Variants in SBF2 observed in about 807,000 individuals in gnomAD.
SBF2 encodes SET binding factor 2.
Under a neutral mutation model 225.2 loss-of-function variants are expected in SBF2, and 112 were observed. The observed-to-expected ratio is 0.50, with a 90% CI of 0.43 to 0.58. SBF2 has a LOEUF of 0.58. Among genes scored for constraint, SBF2 ranks in the 20% least tolerant of loss-of-function variants. SBF2 has a pLI of 0.00. For synonymous variants in SBF2, 763 were observed against 773.3 expected (o/e 0.99, Z 0.22); for missense variants, 1,996 against 2,206.2 (o/e 0.90, Z 1.91).
At chr11:10,139,463 A>G (rs1222374433) in intron 2 of SBF2, among the ~76,000 whole-genome samples, 1 of 152,216 alleles carries the variant, frequency 6.6e-6, no homozygotes, top group East Asian at 1.9e-4. Flanking sequence ...TTAGAAGTGT[A>G]GCACCAGAAC....
chr11:10,294,079 CG>C lies in SBF2; in HGVS notation c.-11del. 7.3e-7 allele frequency: 1 copy of C among 1,365,218 alleles called. No homozygotes were observed. Among genetic ancestry groups the C allele is most frequent in the Non-Finnish European group, 9.5e-7 (1 of 1,057,878 alleles). 84.6% of individuals were successfully genotyped at this position (1,365,218 alleles called of 1,614,324 possible). On this transcript the variant is annotated 5_prime_UTR_variant, in exon 1 of 40. Coordinates refer to ENST00000256190, the MANE Select transcript of SBF2 (RefSeq NM_030962.4). Reference sequence around the variant, plus strand: ...CAGCCAGCCGGGCCATGGCCGCCGCCGCCGCGCTCGGGAAGCGGGTCCCCGT... The same window carrying C: ...CAGCCAGCCGGGCCATGGCCGCCGCCCCGCGCTCGGGAAGCGGGTCCCCGT...
chr11:10,071,645 C>G (rs1035129977), intron 2 of SBF2, among the ~76,000 whole-genome samples: 4 of 152,128 alleles, frequency 2.6e-5, no homozygotes, highest in Admixed American at 1.3e-4. Flanking sequence ...TCATAAACAG[C>G]TCTTATTATT....
intron 13 of SBF2, among the ~76,000 whole-genome samples, chr11:9,988,387 A>G (rs544437220): frequency 3.3e-4 from 51 of 152,338 alleles, no homozygotes; most frequent in African/African-American, 1.2e-3. Flanking sequence ...AGCAAATGCA[A>G]TAAAAACAAA....
chr11:10,148,025 C>A (rs956357615), intron 2 of SBF2, among the ~76,000 whole-genome samples: 1 of 152,064 alleles, frequency 6.6e-6, no homozygotes, highest in Non-Finnish European at 1.5e-5. Flanking sequence ...TAGCATGGTA[C>A]CTAAAACACT....
At chr11:10,138,245 A>G (rs1954476127) in intron 2 of SBF2, among the ~76,000 whole-genome samples, 2 of 152,136 alleles carry the variant, frequency 1.3e-5, no homozygotes, top group Admixed American at 1.3e-4. Context: ...TGTCCATTTC[A>G]TCTAACTGAG....
chr11:9,935,823 C>CTTAA (rs1269682087), intron 16 of SBF2, among the ~76,000 whole-genome samples: 1 of 152,204 alleles, frequency 6.6e-6, no homozygotes, highest in Non-Finnish European at 1.5e-5. Flanking sequence ...GGATTAAAGA[C>CTTAA]TTAAATGTTA....
chr11:9,989,565 C>T lies in SBF2; in HGVS notation c.1327G>A (p.Val443Ile). ...LVAFEVERIKVEENNPVKMIK... is the reference protein window; with the variant it reads ...LVAFEVERIKIEENNPVKMIK... ...ATCTTCACTGGGTTATTTTCTTCAA[C>T]TTTAATTCTCTCTACTTCAAAGGCT... Residue 443 changes from valine to isoleucine, a missense_variant, in exon 13 of 40, where the codon GTT (valine) becomes ATT (isoleucine). Transcript: ENST00000256190. 6 of 1,609,396 alleles carry T rather than the reference C, an allele frequency of 3.7e-6. No individual in the cohort carries two copies. Among genetic ancestry groups the T allele is most frequent in the Middle Eastern group, 1.7e-4 (1 of 6,046 alleles).
chr11:9,913,302 G>C (rs1253822694), intron 16 of SBF2, among the ~76,000 whole-genome samples: 2 of 152,036 alleles, frequency 1.3e-5, no homozygotes, highest in Non-Finnish European at 2.9e-5. Context: ...GAGAAAACTA[G>C]AATGTCCAAG....
chr11:10,020,033 C>T (rs1267415595), intron 6 of SBF2, among the ~76,000 whole-genome samples: 5 of 152,134 alleles, frequency 3.3e-5, no homozygotes, highest in African/African-American at 1.2e-4. Context: ...CCTCCTTCCC[C>T]TGCCCAACCC....
intron 16 of SBF2, among the ~76,000 whole-genome samples, chr11:9,953,951 T>C (rs1170098611): frequency 2.0e-5 from 3 of 152,158 alleles, no homozygotes; most frequent in Non-Finnish European, 2.9e-5. Flanking sequence ...AGCTAGGATG[T>C]AGACACATAA....
At chr11:9,830,758 A>AC (rs1389468763) in intron 27 of SBF2, among the ~76,000 whole-genome samples, 2 of 150,598 alleles carry the variant, frequency 1.3e-5, no homozygotes, top group Admixed American at 6.6e-5. Flanking sequence ...AAAAAAAAAA[A>AC]CAAAAACAAA....
chr11:10,002,055 G>A (rs187658121), intron 7 of SBF2, among the ~76,000 whole-genome samples: 266 of 151,796 alleles, frequency 1.8e-3, no homozygotes, highest in East Asian at 2.3e-3. Flanking sequence ...AAATTACAAC[G>A]AAGCCCTGCA....
In SBF2 at chr11:10,089,758, C is replaced by T. The variant is rs554256730; in HGVS notation, c.142-46777G>A. The stretch of plus-strand genomic sequence containing the variant: ...CCACAAGCCTGGTCCACAAGCCAAA[C>T]CAACACAAAACTAACGGCATTTACT... On this transcript the variant is annotated intron_variant, in intron 2 of 39. Coordinates refer to ENST00000256190, the MANE Select transcript of SBF2 (RefSeq NM_030962.4). Among the ~76,000 whole-genome samples the T allele has an allele frequency of 3.9e-5, 6 of 152,196 alleles. 1 individual carries two copies. In the South Asian group the frequency reaches 1.2e-3, roughly 32 times the overall value.
In SBF2 at chr11:9,832,426, G is replaced by A; in HGVS notation, c.3456-6C>T. 6.2e-7 allele frequency: 1 copy of A among 1,607,714 alleles called. No homozygotes were observed. The highest frequency in any genetic ancestry group is 8.5e-7 in the Non-Finnish European group (1 of 1,174,312). On this transcript the variant is annotated splice_region_variant and splice_polypyrimidine_tract_variant and intron_variant, in intron 26 of 39. Coordinates refer to ENST00000256190, the MANE Select transcript of SBF2 (RefSeq NM_030962.4). ...CGACTAAAAGGCCAGGATAGCTTCA[G>A]AGACATAGAATAGAGAAGAGAATGA... is the stretch of plus-strand genomic sequence containing the variant.
chr11:9,921,064 C>CTTTTT lies in SBF2; in HGVS notation c.1861-25058_1861-25054dup, dbSNP rs34959264. Among the ~76,000 whole-genome samples the CTTTTT allele has an allele frequency of 1.4e-3, 119 of 85,826 alleles. 1 individual carries two copies. The highest frequency in any genetic ancestry group is 2.9e-3 in the Admixed American group (20 of 6,788). The allele number at this position is 85,826 out of a possible 152,430, so 56.3% of individuals were successfully genotyped here. A position where few individuals can be genotyped will look rare whatever the true frequency, so the allele number is the denominator to read the frequency against. On this transcript the variant is annotated intron_variant, in intron 16 of 39. Transcript: ENST00000256190. ...ATGCATCAGTATGACCTGAAAACTTCTTTTTTTTTTTTTTTTTTTTTTGGA... is the reference window on the plus strand; with the variant it reads ...ATGCATCAGTATGACCTGAAAACTTCTTTTTTTTTTTTTTTTTTTTTTTTTTTGGA...
chr11:9,856,466 G>C lies in SBF2; in HGVS notation c.2355C>G (p.Val785=). The change falls in exon 19 of 40, where the codon GTC becomes GTG. Residue 785 remains valine (V), a synonymous_variant. Coordinates refer to ENST00000256190, the MANE Select transcript of SBF2 (RefSeq NM_030962.4). ...TGTTCACATTTTGGTACCTGTTTGT[G>C]ACAATGCTGTTGCTTCCGCTCTCCC... ...GDWESGSNSI[V]TNSIAGSVAE... The C allele has an allele frequency of 6.2e-7, 1 of 1,613,868 alleles. No individual in the cohort carries two copies. Among genetic ancestry groups the C allele is most frequent in the Non-Finnish European group, 8.5e-7 (1 of 1,180,032 alleles).
chr11:9,984,673 T>A (rs1947117675), intron 13 of SBF2, among the ~76,000 whole-genome samples: 1 of 152,176 alleles, frequency 6.6e-6, no homozygotes, highest in African/African-American at 2.4e-5. Context: ...TTAAGAGCTA[T>A]GAGACAGAAG....
chr11:10,206,237 C>T (rs957047011), intron 1 of SBF2, among the ~76,000 whole-genome samples: 1 of 150,720 alleles, frequency 6.6e-6, no homozygotes, highest in African/African-American at 2.4e-5. Context: ...AGTGGGAGCT[C>T]TAGTGCTGCC....
intron 21 of SBF2, 87 bp downstream of exon 21, chr11:9,852,589 G>A: frequency 2.1e-6 from 2 of 953,732 alleles, no homozygotes; most frequent in Non-Finnish European, 3.5e-6. Flanking sequence ...CAAAGGTTAG[G>A]TGAACATCCT....
Sources: allele counts gnomAD v4.1 joint callset (sites outside exome capture counted in the v4.1 genomes callset), GRCh38; gene constraint gnomAD v4.1.1; transcripts MANE v1.5; gene names NCBI Gene and HGNC (gene_info 2026-07-23, HGNC 2026-07-21).